DDX31: variants seen among roughly 807,000 people sequenced by gnomAD.
DDX31 encodes ATP-dependent DNA helicase DDX31.
Under a neutral mutation model 91.3 loss-of-function variants are expected in DDX31, and 70 were observed. That is an observed-to-expected ratio of 0.77 (90% CI 0.63 to 0.94). DDX31 has a LOEUF of 0.94. Among genes scored for constraint, DDX31 ranks in the 40% least tolerant of loss-of-function variants. The pLI, the probability that DDX31 is intolerant of heterozygous loss-of-function variation, is 0.00. For synonymous variants in DDX31, 362 were observed against 350.6 expected, an observed-to-expected ratio of 1.03 and a Z score of -0.36; for missense variants, 902 against 925.0, an observed-to-expected ratio of 0.98 and a Z score of 0.32.
chr9:132,663,175 G>C (rs1835092824), intron 1 of DDX31: 1 of 1,288,862 alleles, frequency 7.8e-7, no homozygotes, highest in Non-Finnish European at 1.0e-6. Context: ...GGGGCGAGGG[G>C]GAATGCGCAT....
chr9:132,652,497 T>C lies in DDX31; in HGVS notation c.589-5A>G. The C allele has an allele frequency of 6.2e-7, 1 of 1,613,878 alleles. No homozygotes were observed. The highest frequency in any genetic ancestry group is 8.5e-7 in the Non-Finnish European group (1 of 1,179,956). On this transcript the variant is annotated splice_polypyrimidine_tract_variant and splice_region_variant and intron_variant, in intron 6 of 19. Coordinates refer to ENST00000372159, the MANE Select transcript of DDX31 (RefSeq NM_022779.9). ...GGCATAGGGGCCATCACTGCGCTGT[T>C]GACACACAGAAAAAAAATGCCATGA...
intron 6 of DDX31, 101 bp downstream of exon 6, chr9:132,658,570 G>T: frequency 8.8e-7 from 1 of 1,131,344 alleles, no homozygotes; most frequent in Non-Finnish European, 1.3e-6. Flanking sequence ...AAAATACTCA[G>T]TGAAAACAGA....
chr9:132,666,848 A>G (rs564778624), intron 1 of DDX31, among the ~76,000 whole-genome samples: 2 of 152,122 alleles, frequency 1.3e-5, no homozygotes, highest in Non-Finnish European at 2.9e-5. Flanking sequence ...CTTGGACTAT[A>G]GTCACCCACC....
intron 14 of DDX31, among the ~76,000 whole-genome samples, chr9:132,633,059 C>T (rs1399703673): frequency 2.0e-5 from 3 of 152,180 alleles, no homozygotes; most frequent in Non-Finnish European, 4.4e-5. Flanking sequence ...CCTTTACCTG[C>T]GTTATCTTGA....
chr9:132,650,069 C>G (rs1313254463), intron 9 of DDX31, among the ~76,000 whole-genome samples, 165 bp downstream of exon 9: 1 of 152,204 alleles, frequency 6.6e-6, no homozygotes, highest in Non-Finnish European at 1.5e-5. Flanking sequence ...ACAGCACCGT[C>G]TAGAGGTGAC....
In DDX31 at chr9:132,666,993, G is replaced by A. The variant is rs548125483; in HGVS notation, c.75+2867C>T. ...CTCCCAAAGTGCTGGGATTACAGGC[G>A]TGAGCCACTGCGCCAAGCCTTTTTT... On this transcript the variant is annotated intron_variant, in intron 1 of 19. Transcript: ENST00000372159. Among the ~76,000 whole-genome samples, 41 of 151,926 alleles carry A rather than the reference G, an allele frequency of 2.7e-4. 1 individual carries two copies. The highest frequency in any genetic ancestry group is 5.0e-4 in the Non-Finnish European group (34 of 67,968).
In DDX31 at chr9:132,650,312, G is replaced by T. The variant is rs533618320; in HGVS notation, c.676-14C>A. Reference sequence around the variant, plus strand: ...CCAGGTGAAAGGCTACAGAAAGACAGCAGACCACAGTCAGTGCAAAGCCCC... The same window carrying T: ...CCAGGTGAAAGGCTACAGAAAGACATCAGACCACAGTCAGTGCAAAGCCCC... On this transcript the variant is annotated splice_polypyrimidine_tract_variant and intron_variant, in intron 8 of 19. Coordinates refer to ENST00000372159, the MANE Select transcript of DDX31 (RefSeq NM_022779.9). 1.7e-5 allele frequency: 28 copies of T among 1,613,380 alleles called. No individual in the cohort carries two copies. The highest frequency in any genetic ancestry group is 2.4e-5 in the Non-Finnish European group (28 of 1,179,412).
chr9:132,636,269 A>T (rs1215167783), intron 14 of DDX31, among the ~76,000 whole-genome samples: 1 of 152,242 alleles, frequency 6.6e-6, no homozygotes, highest in East Asian at 1.9e-4. Context: ...AACACAATTT[A>T]GGATGTTCTC....
intron 14 of DDX31, among the ~76,000 whole-genome samples, chr9:132,634,293 G>C (rs1832965565): frequency 6.6e-6 from 1 of 152,160 alleles, no homozygotes. Context: ...AGGAGATACA[G>C]ATGTAACTCC....
intron 18 of DDX31, among the ~76,000 whole-genome samples, chr9:132,614,160 G>C (rs899004457): frequency 6.6e-6 from 1 of 152,124 alleles, no homozygotes; most frequent in Non-Finnish European, 1.5e-5. Context: ...CATTTTAGCA[G>C]ATCAGCTCCT....
chr9:132,608,233 G>A (rs1831130857), intron 19 of DDX31, among the ~76,000 whole-genome samples: 1 of 152,178 alleles, frequency 6.6e-6, no homozygotes, highest in African/African-American at 2.4e-5. Context: ...TCGGTGTTTG[G>A]GGTGGGGGCT....
At chr9:132,597,819 C>T (rs1262504388) in intron 19 of DDX31, among the ~76,000 whole-genome samples, 2 of 152,176 alleles carry the variant, frequency 1.3e-5, no homozygotes, top group Non-Finnish European at 2.9e-5. Context: ...CCTTCACAAA[C>T]ACCGTGGGTC....
Position 132,600,018 on chromosome 9 carries a change from A to G in DDX31, c.1995-4906T>C, listed in dbSNP as rs541967856. On this transcript the variant is annotated intron_variant, in intron 19 of 19. Transcript: ENST00000372159. ...AGGGTTTTGGTGGCTCTCAGGTCAC[A>G]GTGAGGGTAACAGGCAACTCCAGGG... Among the ~76,000 whole-genome samples, 3 of 152,370 alleles carry G rather than the reference A, an allele frequency of 2.0e-5. No homozygotes were observed. In the East Asian group the frequency reaches 5.8e-4, roughly 29 times the overall value.
chr9:132,594,749 G>T lies in DDX31; in HGVS notation c.*117C>A. ...GGCTGTGGCCCCTCTGATTCTTGGGGACGTGGTATTCAGGCAAAGGCGCAG... is the reference window on the plus strand; with the variant it reads ...GGCTGTGGCCCCTCTGATTCTTGGGTACGTGGTATTCAGGCAAAGGCGCAG... On this transcript the variant is annotated 3_prime_UTR_variant, in exon 20 of 20. Transcript: ENST00000372159. 1.3e-6 allele frequency: 2 copies of T among 1,483,842 alleles called. No individual in the cohort carries two copies. Among genetic ancestry groups the T allele is most frequent in the East Asian group, 4.5e-5 (2 of 43,968 alleles). 91.9% of individuals were successfully genotyped at this position (1,483,842 alleles called of 1,614,324 possible).
At chr9:132,628,987 G>A (rs1053676206) in intron 16 of DDX31, among the ~76,000 whole-genome samples, 2 of 152,254 alleles carry the variant, frequency 1.3e-5, no homozygotes, top group African/African-American at 4.8e-5. Context: ...AACTGGCTGC[G>A]CCAGCGGGCT....
intron 1 of DDX31, among the ~76,000 whole-genome samples, chr9:132,665,276 A>G (rs1460232368): frequency 6.6e-6 from 1 of 152,204 alleles, no homozygotes; most frequent in African/African-American, 2.4e-5. Flanking sequence ...ACTACTTGTT[A>G]GCTTTTCTCC....
At chr9:132,611,159 G>C (rs1831313532) in intron 19 of DDX31, among the ~76,000 whole-genome samples, 1 of 152,194 alleles carries the variant, frequency 6.6e-6, no homozygotes, top group Non-Finnish European at 1.5e-5. Context: ...GGGGGAGCCT[G>C]CGGCGTTTGT....
At chr9:132,651,630 AAAC>A (rs1227410278) in intron 7 of DDX31, among the ~76,000 whole-genome samples, 1 of 152,246 alleles carries the variant, frequency 6.6e-6, no homozygotes, top group African/African-American at 2.4e-5. Context: ...TATATCAATA[AAAC>A]AAAAGCAAAC....
At chr9:132,596,359 T>C (rs780375786) in intron 19 of DDX31, among the ~76,000 whole-genome samples, 6 of 152,190 alleles carry the variant, frequency 3.9e-5, no homozygotes, top group Non-Finnish European at 5.9e-5. Flanking sequence ...AGTCATACAA[T>C]GGTGTTTTCT....
Sources: gnomAD v4.1 joint callset for allele counts (sites outside exome capture counted in the v4.1 genomes callset) on GRCh38, gnomAD v4.1.1 for gene constraint, MANE v1.5 for transcripts, NCBI Gene and HGNC (gene_info 2026-07-23, HGNC 2026-07-21) for gene names.